The following RAB20 variants were observed in gnomAD, a reference collection of about 807,000 sequenced individuals.
RAB20 encodes the protein ras-related protein Rab-20.
RAB20 carries 2 observed loss-of-function variants against 3.7 expected under a neutral mutation model. The observed-to-expected ratio is 0.54, with a 90% CI of 0.22 to 1.69. RAB20 has a LOEUF of 1.69. Among genes scored for constraint, RAB20 ranks in the 40% most tolerant of loss-of-function variants. The pLI, the probability that RAB20 is intolerant of heterozygous loss-of-function variation, is 0.19. For missense variants in RAB20, 276 were observed against 311.9 expected (o/e 0.88, Z 0.87); for synonymous variants, 126 against 130.8 (o/e 0.96, Z 0.25).
intron 1 of RAB20, among the ~76,000 whole-genome samples, chr13:110,529,765 T>C (rs1884497162): frequency 6.6e-6 from 1 of 152,104 alleles, no homozygotes; most frequent in Non-Finnish European, 1.5e-5. Flanking sequence ...CGCCAGACTC[T>C]CCCGCCTTTT....
chr13:110,540,804 C>T (rs1884746104), intron 1 of RAB20, among the ~76,000 whole-genome samples: 1 of 151,180 alleles, frequency 6.6e-6, no homozygotes, highest in Non-Finnish European at 1.5e-5. Flanking sequence ...CAATAAAAAA[C>T]CTCCACATTA....
At chr13:110,526,034 T>C (rs1439429653) in intron 1 of RAB20, among the ~76,000 whole-genome samples, 3 of 152,264 alleles carry the variant, frequency 2.0e-5, no homozygotes, top group Non-Finnish European at 4.4e-5. Flanking sequence ...GGAATGAGAC[T>C]GAGACCTGTG....
Position 110,533,329 on chromosome 13 carries a change from C to T in RAB20, c.173-9132G>A, listed in dbSNP as rs558626550. ...AGAGTCATGGGACCATCTCCACAGG[C>T]ATGATCTACATTCCCTCTAGGTTTG... On this transcript the variant is annotated intron_variant, in intron 1 of 1. Transcript: ENST00000267328. 3.9e-5 allele frequency among the ~76,000 whole-genome samples: 6 copies of T among 152,340 alleles called. No individual in the cohort carries two copies. In the South Asian group the frequency reaches 1.2e-3, roughly 32 times the overall value.
chr13:110,541,112 G>A (rs893954872), intron 1 of RAB20, among the ~76,000 whole-genome samples: 1 of 152,086 alleles, frequency 6.6e-6, no homozygotes, highest in Non-Finnish European at 1.5e-5. Context: ...GGTGAGAGCC[G>A]ACCACCCCTC....
chr13:110,543,799 G>A (rs1054960885), intron 1 of RAB20, among the ~76,000 whole-genome samples: 1 of 137,426 alleles, frequency 7.3e-6, no homozygotes, highest in Non-Finnish European at 1.5e-5. Context: ...TTTTTGAGAC[G>A]GAGTCTCACT....
At position 110,561,226 on chromosome 13, in the gene RAB20, A is replaced by G. The variant is rs944901587; in HGVS notation, c.172+122T>C. 6 of 1,250,120 alleles carry G rather than the reference A, an allele frequency of 4.8e-6. No individual in the cohort carries two copies. In the African/African-American group the frequency reaches 9.6e-5, roughly 20 times the overall value. The allele number at this position is 1,250,120 out of a possible 1,614,324, so 77.4% of individuals were successfully genotyped here. A position where few individuals can be genotyped will look rare whatever the true frequency, so the allele number is the denominator to read the frequency against. ...GGAGGACGAGTGGGAAACCCCGAGA[A>G]GGAGGCATTTGCTGTCCGAGGCCGG... On this transcript the variant is annotated intron_variant, in intron 1 of 1. Transcript: ENST00000267328.
intron 1 of RAB20, among the ~76,000 whole-genome samples, chr13:110,534,885 G>A (rs1022710403): frequency 2.6e-5 from 4 of 152,216 alleles, no homozygotes; most frequent in African/African-American, 9.6e-5. Flanking sequence ...CCAGGCTGGA[G>A]TGCAGTGGCT....
At chr13:110,546,517 A>G (rs1884851285) in intron 1 of RAB20, among the ~76,000 whole-genome samples, 1 of 152,108 alleles carries the variant, frequency 6.6e-6, no homozygotes, top group Non-Finnish European at 1.5e-5. Flanking sequence ...GTCACACATG[A>G]GTCTTCCATT....
chr13:110,541,209 G>A (rs961747357), intron 1 of RAB20, among the ~76,000 whole-genome samples: 5 of 152,160 alleles, frequency 3.3e-5, no homozygotes, highest in Admixed American at 1.3e-4. Flanking sequence ...TCACGGTCAC[G>A]GCGCAGCAAC....
Position 110,561,366 on chromosome 13 carries a change from A to G in RAB20, c.154T>C (p.Ser52Pro), listed in dbSNP as rs1440513277. The change falls in exon 1 of 2, where the codon TCC becomes CCC. Residue 52 changes from serine (S) to proline (P), a missense_variant. Physicochemically the swap from Ser to Pro is moderately conservative, Grantham distance 74 (BLOSUM62 -1). Coordinates refer to ENST00000267328, the MANE Select transcript of RAB20 (RefSeq NM_017817.3). ...YLKQWRSYNI[S>P]IWDTAGREQF... ...GCCTCACCTGCGGTGTCCCAGATGG[A>G]GATGTTGTAGGAGCGCCACTGCTTC... 1.2e-6 allele frequency: 2 copies of G among 1,606,532 alleles called. No homozygotes were observed. The highest frequency in any genetic ancestry group is 2.3e-5 in the East Asian group (1 of 43,900).
At chr13:110,525,617 C>A (rs1884415143) in intron 1 of RAB20, among the ~76,000 whole-genome samples, 1 of 152,250 alleles carries the variant, frequency 6.6e-6, no homozygotes, top group Admixed American at 6.5e-5. Flanking sequence ...AGGACAGACT[C>A]CCACAAGGGG....
intron 1 of RAB20, among the ~76,000 whole-genome samples, chr13:110,540,735 T>C (rs1376056485): frequency 1.1e-5 from 1 of 94,984 alleles, no homozygotes; most frequent in Non-Finnish European, 2.1e-5. Flanking sequence ...AGAGTGAAAC[T>C]CCGTCTCAAA....
chr13:110,556,502 A>G (rs1438226940), intron 1 of RAB20, among the ~76,000 whole-genome samples: 1 of 152,186 alleles, frequency 6.6e-6, no homozygotes, highest in Non-Finnish European at 1.5e-5. Flanking sequence ...CCTCCAGACT[A>G]CTTAAAGACA....
Position 110,552,934 on chromosome 13 carries a change from G to A in RAB20, c.172+8414C>T, listed in dbSNP as rs547977074. Among the ~76,000 whole-genome samples, 11 of 152,292 alleles carry A rather than the reference G, an allele frequency of 7.2e-5. No homozygotes were observed. The South Asian group carries it at 8.3e-4, about 11-fold the overall frequency. ...GCGCCACTCCAGGAGGCTGTGGGCC[G>A]AGCCTCCCAGCGCACACTGCTCGCA... On this transcript the variant is annotated intron_variant, in intron 1 of 1. Coordinates refer to ENST00000267328, the MANE Select transcript of RAB20 (RefSeq NM_017817.3).
In RAB20 at chr13:110,533,035, T is replaced by C. The variant is rs575474599; in HGVS notation, c.173-8838A>G. 7.5e-5 allele frequency among the ~76,000 whole-genome samples: 11 copies of C among 146,922 alleles called. No individual in the cohort carries two copies. In the South Asian group the frequency reaches 2.3e-3, roughly 31 times the overall value. On this transcript the variant is annotated intron_variant, in intron 1 of 1. Coordinates refer to ENST00000267328, the MANE Select transcript of RAB20 (RefSeq NM_017817.3). Reference sequence around the variant, plus strand: ...TGCCTTGCCAGATCGGACAGCCCCCTGGCAGGGAGCTCACAAAACATCGAT... The same window carrying C: ...TGCCTTGCCAGATCGGACAGCCCCCCGGCAGGGAGCTCACAAAACATCGAT...
At chr13:110,528,309 G>A (rs754139633) in intron 1 of RAB20, among the ~76,000 whole-genome samples, 1 of 151,664 alleles carries the variant, frequency 6.6e-6, no homozygotes, top group Admixed American at 6.6e-5. Flanking sequence ...CCAGCTACTT[G>A]GGAGGCTGAG....
At chr13:110,527,624 A>T (rs948105703) in intron 1 of RAB20, among the ~76,000 whole-genome samples, 1 of 152,178 alleles carries the variant, frequency 6.6e-6, no homozygotes, top group African/African-American at 2.4e-5. Flanking sequence ...GAAGGGCAAC[A>T]TTCCTCCCTT....
intron 1 of RAB20, among the ~76,000 whole-genome samples, chr13:110,528,174 T>C (rs1017340006): frequency 1.1e-4 from 17 of 152,140 alleles, no homozygotes; most frequent in African/African-American, 3.9e-4. Context: ...CCCAGCACTT[T>C]GGGACGCCGG....
chr13:110,549,530 TCTC>T (rs1884913337), intron 1 of RAB20, among the ~76,000 whole-genome samples: 1 of 152,162 alleles, frequency 6.6e-6, no homozygotes, highest in Non-Finnish European at 1.5e-5. Flanking sequence ...TCTCTGACCT[TCTC>T]CTGTCCTCCT....
Sources: gnomAD v4.1 joint callset for allele counts (sites outside exome capture counted in the v4.1 genomes callset) on GRCh38, gnomAD v4.1.1 for gene constraint, MANE v1.5 for transcripts, NCBI Gene and HGNC (gene_info 2026-07-23, HGNC 2026-07-21) for gene names.